Variants in CNTNAP5 observed in about 807,000 individuals in gnomAD.
CNTNAP5 encodes the protein contactin-associated protein-like 5.
A neutral mutation model predicts 150.2 loss-of-function variants in CNTNAP5; 72 were observed. The observed-to-expected ratio is 0.48, with a 90% CI of 0.40 to 0.58. The LOEUF (loss-of-function observed/expected upper bound fraction) is 0.58, where lower values mean the gene tolerates loss of function less well. Among genes scored for constraint, CNTNAP5 ranks in the 20% least tolerant of loss-of-function variants. The pLI is 0.00. For synonymous variants in CNTNAP5, 672 were observed against 619.8 expected (o/e 1.08, Z -1.25); for missense variants, 1,636 against 1,626.2 (o/e 1.01, Z -0.10).
At chr2:124,836,932 C>T (rs932059059) in intron 19 of CNTNAP5, among the ~76,000 whole-genome samples, 2 of 152,028 alleles carry the variant, frequency 1.3e-5, no homozygotes, top group Non-Finnish European at 2.9e-5. Context: ...TCTAAGACAC[C>T]TATCTCTAAG....
chr2:124,200,118 C>A (rs1041367605), intron 1 of CNTNAP5, among the ~76,000 whole-genome samples: 11 of 152,168 alleles, frequency 7.2e-5, no homozygotes, highest in Middle Eastern at 6.8e-3. Context: ...GCATAGACAC[C>A]CTTCCAATCC....
chr2:124,185,201 G>A (rs965059968), intron 1 of CNTNAP5, among the ~76,000 whole-genome samples: 8 of 152,108 alleles, frequency 5.3e-5, no homozygotes, highest in Non-Finnish European at 1.0e-4. Flanking sequence ...CTACCAAAAT[G>A]TTCAGCCCAC....
chr2:124,222,088 T>C (rs946808715), intron 2 of CNTNAP5, among the ~76,000 whole-genome samples: 7 of 152,270 alleles, frequency 4.6e-5, no homozygotes, highest in South Asian at 4.1e-4. Flanking sequence ...ACTTGCTTTA[T>C]TTTTATATTT....
At chr2:124,724,699 C>G (rs922671574) in intron 13 of CNTNAP5, among the ~76,000 whole-genome samples, 2 of 151,962 alleles carry the variant, frequency 1.3e-5, no homozygotes, top group Non-Finnish European at 2.9e-5. Flanking sequence ...AAGCAGCATC[C>G]CACATCACAT....
intron 12 of CNTNAP5, among the ~76,000 whole-genome samples, chr2:124,635,288 C>T (rs528762817): frequency 4.0e-4 from 61 of 152,198 alleles, no homozygotes; most frequent in African/African-American, 1.4e-3. Context: ...AACCAGATCC[C>T]ATGAAAACTC....
rs115286622 is a variant in CNTNAP5 at position 124,229,635 on chromosome 2, A to G, written c.187+7826A>G. On this transcript the variant is annotated intron_variant, in intron 2 of 23. Coordinates refer to ENST00000682447, the MANE Select transcript of CNTNAP5 (RefSeq NM_001367498.1). ...ATATAATTGTGGCTTAGGACGGATC[A>G]GTCTTTGTCAAATATGATTTGTTTT... Among the ~76,000 whole-genome samples, 1,181 of 152,324 alleles carry G rather than the reference A, an allele frequency of 7.8e-3. 15 individuals are homozygous for G. Among genetic ancestry groups the G allele is most frequent in the African/African-American group, 0.026 (1,094 of 41,582 alleles).
chr2:124,082,210 G>A (rs1009221353), intron 1 of CNTNAP5, among the ~76,000 whole-genome samples: 9 of 151,926 alleles, frequency 5.9e-5, no homozygotes, highest in South Asian at 2.1e-4. Flanking sequence ...TTAGCCAGGC[G>A]TGGTGGCAGG....
At chr2:124,329,532 G>T (rs533749480) in intron 3 of CNTNAP5, among the ~76,000 whole-genome samples, 1 of 152,164 alleles carries the variant, frequency 6.6e-6, no homozygotes, top group African/African-American at 2.4e-5. Flanking sequence ...GCATGCCAAA[G>T]CTCCATACCT....
intron 14 of CNTNAP5, among the ~76,000 whole-genome samples, chr2:124,752,678 G>A (rs1267913104): frequency 6.6e-6 from 1 of 152,190 alleles, no homozygotes; most frequent in Admixed American, 6.5e-5. Flanking sequence ...ATTAATGACT[G>A]TCTGCAAAGG....
At chr2:124,572,600 G>A (rs1449373768) in intron 11 of CNTNAP5, among the ~76,000 whole-genome samples, 1 of 152,158 alleles carries the variant, frequency 6.6e-6, no homozygotes, top group African/African-American at 2.4e-5. Context: ...AAATAAGGAT[G>A]AGCACAGGGG....
intron 3 of CNTNAP5, among the ~76,000 whole-genome samples, chr2:124,326,287 A>C (rs1689214690): frequency 1.3e-5 from 2 of 152,134 alleles, no homozygotes; most frequent in Middle Eastern, 3.2e-3. Flanking sequence ...GTTGTGCTGT[A>C]ATTATGAGGA....
chr2:124,492,207 A>G (rs576576731), intron 7 of CNTNAP5, among the ~76,000 whole-genome samples: 3 of 152,254 alleles, frequency 2.0e-5, no homozygotes, highest in Admixed American at 2.0e-4. Flanking sequence ...TGTCAAGGAT[A>G]TATTCATCTA....
rs144341616 is a variant in CNTNAP5, at chr2:124,580,358, C to G, written c.1756+17035C>G. The stretch of plus-strand genomic sequence containing the variant: ...GTTGTAAACAGACTGTAGCCACTCA[C>G]TGAGTTTTGGCCAATCAAAGGTGGT... On this transcript the variant is annotated intron_variant, in intron 11 of 23. Coordinates refer to ENST00000682447, the MANE Select transcript of CNTNAP5 (RefSeq NM_001367498.1). Among the ~76,000 whole-genome samples, 189 of 152,362 alleles carry G rather than the reference C, an allele frequency of 1.2e-3. 1 individual carries two copies. Among genetic ancestry groups the G allele is most frequent in the African/African-American group, 4.3e-3 (178 of 41,582 alleles).
intron 1 of CNTNAP5, among the ~76,000 whole-genome samples, chr2:124,133,142 A>C (rs146918599): frequency 3.4e-4 from 52 of 152,294 alleles, no homozygotes; most frequent in African/African-American, 1.0e-3. Context: ...TTTCATTTGA[A>C]AATGCAAAAA....
At chr2:124,166,709 G>A (rs1336045305) in intron 1 of CNTNAP5, among the ~76,000 whole-genome samples, 3 of 152,140 alleles carry the variant, frequency 2.0e-5, no homozygotes, top group African/African-American at 7.2e-5. Context: ...TCCATGCAGT[G>A]ATGGCCACCA....
At chr2:124,685,707 A>G (rs1043481593) in intron 13 of CNTNAP5, among the ~76,000 whole-genome samples, 2 of 151,812 alleles carry the variant, frequency 1.3e-5, no homozygotes, top group East Asian at 3.9e-4. Flanking sequence ...TAATGCCTCT[A>G]AAGAGTCTGT....
At chr2:124,097,970 G>A (rs1379749736) in intron 1 of CNTNAP5, among the ~76,000 whole-genome samples, 1 of 152,188 alleles carries the variant, frequency 6.6e-6, no homozygotes, top group African/African-American at 2.4e-5. Context: ...GGAGCTTGCC[G>A]TGGGCCGAGA....
chr2:124,530,486 C>G (rs148332969), intron 10 of CNTNAP5, among the ~76,000 whole-genome samples: 1 of 152,270 alleles, frequency 6.6e-6, no homozygotes, highest in Non-Finnish European at 1.5e-5. Flanking sequence ...TTACAAACCA[C>G]CTTTGATACT....
chr2:124,290,380 T>C (rs1688255108), intron 3 of CNTNAP5, among the ~76,000 whole-genome samples: 1 of 152,196 alleles, frequency 6.6e-6, no homozygotes, highest in Admixed American at 6.5e-5. Flanking sequence ...ATCCACATCT[T>C]GACTGCAACG....
Sources: allele counts gnomAD v4.1 joint callset (sites outside exome capture counted in the v4.1 genomes callset), GRCh38; gene constraint gnomAD v4.1.1; transcripts MANE v1.5; gene names NCBI Gene and HGNC (gene_info 2026-07-23, HGNC 2026-07-21).